CASD1: variants seen among roughly 807,000 people sequenced by gnomAD.
CASD1 encodes CAS1 domain sialic acid O acetyltransferase 1.
In CASD1, 41 loss-of-function variants were observed where a neutral mutation model predicts 100.0. That is an observed-to-expected ratio of 0.41 (90% CI 0.32 to 0.53). The LOEUF is 0.53. Ranked by LOEUF, CASD1 falls within the 20% of genes least tolerant of loss-of-function variation. The probability of loss-of-function intolerance (pLI) is 0.25; values close to 1 mark genes in which losing one functional copy is unlikely to be tolerated. For missense variants in CASD1, 774 were observed against 948.7 expected (o/e 0.82, Z 2.42); for synonymous variants, 321 against 315.6 (o/e 1.02, Z -0.18).
the CASD1 span, among the ~76,000 whole-genome samples, chr7:94,596,489 C>G: frequency 6.6e-6 from 1 of 152,126 alleles, no homozygotes; most frequent in African/African-American, 2.4e-5. Context: ...TCAACAGAAG[C>G]ATTTCTCAAA....
intron 1 of CASD1, among the ~76,000 whole-genome samples, chr7:94,511,094 T>A (rs1308101849): frequency 6.6e-6 from 1 of 152,254 alleles, no homozygotes; most frequent in East Asian, 1.9e-4. Context: ...GATTGATTGT[T>A]TTTTTTCCTT....
At chr7:94,570,537 C>G in the CASD1 span, among the ~76,000 whole-genome samples, 1 of 152,108 alleles carries the variant, frequency 6.6e-6, no homozygotes, top group Non-Finnish European at 1.5e-5. Context: ...CTCTGTCACC[C>G]AGGCTGGAGT....
At chr7:94,611,396 A>G in the CASD1 span, among the ~76,000 whole-genome samples, 2 of 151,450 alleles carry the variant, frequency 1.3e-5, no homozygotes, top group East Asian at 3.9e-4. Flanking sequence ...GTCACAGAAG[A>G]CCACATATTA....
the CASD1 span, chr7:94,628,252 G>A: frequency 6.2e-7 from 1 of 1,611,746 alleles, no homozygotes; most frequent in Non-Finnish European, 8.5e-7. Flanking sequence ...GACCCATATA[G>A]GACTCCATCA....
chr7:94,567,769 T>C, the CASD1 span, among the ~76,000 whole-genome samples: 1 of 152,174 alleles, frequency 6.6e-6, no homozygotes, highest in Admixed American at 6.5e-5. Flanking sequence ...AAATAAAATA[T>C]TAAGGGCAGA....
chr7:94,629,069 A>G, the CASD1 span: 2 of 152,298 alleles, frequency 1.3e-5, no homozygotes, highest in African/African-American at 4.8e-5. Flanking sequence ...AAACATTCTT[A>G]TACAATATAA....
At chr7:94,561,786 ATCT>A (rs1348925510), downstream of CASD1, among the ~76,000 whole-genome samples, 3 of 152,062 alleles carry the variant, frequency 2.0e-5, no homozygotes, top group Non-Finnish European at 2.9e-5. Flanking sequence ...GCTAGCTAAT[ATCT>A]ATCTTCTGTG....
chr7:94,629,616 T>C, the CASD1 span: 5 of 1,065,134 alleles, frequency 4.7e-6, no homozygotes, highest in Non-Finnish European at 7.2e-6. Context: ...TTTAGACCAT[T>C]TGAAATAATG....
At chr7:94,546,592 G>A (rs997674221) in intron 12 of CASD1, among the ~76,000 whole-genome samples, 2 of 151,836 alleles carry the variant, frequency 1.3e-5, no homozygotes, top group East Asian at 1.9e-4. Context: ...CATATTAATC[G>A]AATAAACTAT....
At position 94,545,483 on chromosome 7, in the gene CASD1, G is replaced by A. The variant is rs149572070; in HGVS notation, c.1477-62G>A. 3,393 of 1,308,630 alleles carry A rather than the reference G, an allele frequency of 2.6e-3. 58 individuals are homozygous for A. The African/African-American group carries it at 0.042, about 16-fold the overall frequency. 81.1% of individuals were successfully genotyped at this position (1,308,630 alleles called of 1,614,324 possible). A position where few individuals can be genotyped will look rare whatever the true frequency, so the allele number is the denominator to read the frequency against. ...CAGAGAAAATCTGCCTTTGCTGTTC[G>A]TGTGTACCTAGAATGAAAACAATTA... is the stretch of plus-strand genomic sequence containing the variant. On this transcript the variant is annotated intron_variant, in intron 11 of 17. Coordinates refer to ENST00000297273, the MANE Select transcript of CASD1 (RefSeq NM_022900.5).
chr7:94,629,715 A>G, the CASD1 span: 22 of 1,610,836 alleles, frequency 1.4e-5, no homozygotes, highest in Non-Finnish European at 1.9e-5. Context: ...CACAAAGAAC[A>G]TACCAGGTTT....
At chr7:94,589,613 GTTCTGCCTCCTGTCA>G in the CASD1 span, 1 of 152,482 alleles carries the variant, frequency 6.6e-6, no homozygotes. Flanking sequence ...TACCACCTGG[GTTCTGCCTCCTGTCA>G]GACCAGCGGC....
chr7:94,609,591 CT>C, the CASD1 span, among the ~76,000 whole-genome samples: 1 of 152,160 alleles, frequency 6.6e-6, no homozygotes, highest in South Asian at 2.1e-4. Context: ...AGAAGTTATA[CT>C]CGTGGTAAAT....
At chr7:94,599,628 TG>T in the CASD1 span, 1 of 1,171,218 alleles carries the variant, frequency 8.5e-7, no homozygotes, top group Non-Finnish European at 1.3e-6. Flanking sequence ...CACACATGTA[TG>T]GAGCATGATG....
the CASD1 span, chr7:94,600,735 A>G: frequency 1.9e-6 from 3 of 1,613,724 alleles, no homozygotes; most frequent in Non-Finnish European, 2.5e-6. Flanking sequence ...TAATTAGGAA[A>G]TCCGTGTAAT....
At chr7:94,613,437 A>T in the CASD1 span, among the ~76,000 whole-genome samples, 1 of 152,208 alleles carries the variant, frequency 6.6e-6, no homozygotes, top group Non-Finnish European at 1.5e-5. Context: ...TCAAATGTGT[A>T]TAAACAGATG....
the CASD1 span, chr7:94,628,407 A>ATG: frequency 6.7e-7 from 1 of 1,488,830 alleles, no homozygotes. Flanking sequence ...ATTTTCACAC[A>ATG]TGTTGCTTTG....
chr7:94,596,074 G>T, the CASD1 span, among the ~76,000 whole-genome samples: 2 of 151,916 alleles, frequency 1.3e-5, no homozygotes, highest in Non-Finnish European at 2.9e-5. Flanking sequence ...AGGTTTTCTG[G>T]ACTTAAAAAT....
At chr7:94,548,421 T>C (rs769684941) in intron 13 of CASD1, among the ~76,000 whole-genome samples, 4 of 151,692 alleles carry the variant, frequency 2.6e-5, no homozygotes, top group Non-Finnish European at 4.4e-5. Flanking sequence ...CTAGTGAATA[T>C]CTATATTCAT....
Sources: gnomAD v4.1 joint callset for allele counts (sites outside exome capture counted in the v4.1 genomes callset) on GRCh38, gnomAD v4.1.1 for gene constraint, MANE v1.5 for transcripts, NCBI Gene and HGNC (gene_info 2026-07-23, HGNC 2026-07-21) for gene names.